Variants in ZNF226 observed in about 807,000 individuals in gnomAD.
ZNF226 encodes the protein Kruppel-associated box protein.
In ZNF226, 6 loss-of-function variants were observed where a neutral mutation model predicts 11.4. That is an observed-to-expected ratio of 0.53 (90% confidence interval 0.29 to 1.04). The LOEUF is 1.04. ZNF226 is among the 50% of genes least tolerant of loss of function. The pLI, the probability that ZNF226 is intolerant of heterozygous loss-of-function variation, is 0.08. For missense variants in ZNF226, 1,058 were observed against 956.5 expected, an observed-to-expected ratio of 1.11 and a Z score of -1.40; for synonymous variants, 350 against 322.8, an observed-to-expected ratio of 1.08 and a Z score of -0.90.
intron 5 of ZNF226, chr19:44,174,858 C>A: frequency 1.1e-6 from 1 of 871,346 alleles, no homozygotes; most frequent in Non-Finnish European, 1.7e-6. Flanking sequence ...GCTTTCCTTT[C>A]ACCCCAAGTG....
chr19:44,185,150 T>G, the ZNF226 span, among the ~76,000 whole-genome samples: 2 of 152,268 alleles, frequency 1.3e-5, no homozygotes, highest in African/African-American at 4.8e-5. Context: ...CAGCACATTT[T>G]CTTTATCCAT....
At chr19:44,180,066 G>A (rs1472347087), downstream of ZNF226, among the ~76,000 whole-genome samples, 1 of 121,590 alleles carries the variant, frequency 8.2e-6, no homozygotes, top group Non-Finnish European at 1.6e-5. Context: ...TAGCCTGGGT[G>A]ACAGAGCAAG....
the ZNF226 span, among the ~76,000 whole-genome samples, chr19:44,186,985 C>G: frequency 6.6e-6 from 1 of 151,378 alleles, no homozygotes; most frequent in African/African-American, 2.4e-5. Context: ...TGATCATGAC[C>G]TGTGATTCTT....
Position 44,176,111 on chromosome 19 carries a change from T to C in ZNF226, c.849T>C (p.Val283=), listed in dbSNP as rs1315949777. The change falls in exon 6 of 6, where the codon GTT becomes GTC. Residue 283 remains valine (V), a synonymous_variant. Transcript: ENST00000337433. ...LQSGEKSLTC[V]ERGKGFCYSP... is the part of the protein sequence containing the mutation. ...CAGGAGAGAAGTCTCTTACATGTGT[T>C]GAGCGTGGAAAAGGCTTCTGTTACA... 13 of 1,614,194 alleles carry C rather than the reference T, an allele frequency of 8.1e-6. No homozygotes were observed. The highest frequency in any genetic ancestry group is 1.1e-5 in the Non-Finnish European group (13 of 1,180,026).
chr19:44,190,045 A>G, the ZNF226 span, among the ~76,000 whole-genome samples: 1 of 152,238 alleles, frequency 6.6e-6, no homozygotes, highest in Non-Finnish European at 1.5e-5. Context: ...TCTACAGTAG[A>G]TAATAAAAAC....
Position 44,176,612 on chromosome 19 carries a change from G to A in ZNF226, c.1350G>A (p.Glu450=). ...CAGGAGAAAAACCCTATAAATGTGA[G>A]GAATGTGGTAAAGGCTTTAGTCGGC... The part of the protein sequence containing the change: ...VHTGEKPYKC[E]ECGKGFSRPS... The change falls in exon 6 of 6, where the codon GAG becomes GAA. Residue 450 remains glutamate, a synonymous_variant. Transcript: ENST00000337433. 7 of 1,613,986 alleles carry A rather than the reference G, an allele frequency of 4.3e-6. No individual in the cohort carries two copies. Among genetic ancestry groups the A allele is most frequent in the Non-Finnish European group, 5.9e-6 (7 of 1,179,966 alleles).
At chr19:44,172,798 A>T (rs1970254914) in intron 4 of ZNF226, 62 bp from the exon 5 acceptor site, 4 of 1,392,922 alleles carry the variant, frequency 2.9e-6, no homozygotes, top group Middle Eastern at 1.8e-4. Flanking sequence ...TGCAACTCAG[A>T]TTTCCAGTGT....
chr19:44,180,736 C>T (rs528472538), downstream of ZNF226, among the ~76,000 whole-genome samples: 37 of 152,216 alleles, frequency 2.4e-4, no homozygotes, highest in African/African-American at 7.2e-4. Flanking sequence ...TACAGAAAAA[C>T]GTGTACTAAG....
Position 44,176,273 on chromosome 19 carries a change from T to C in ZNF226, c.1011T>C (p.Cys337=), listed in dbSNP as rs374191280. The change falls in exon 6 of 6, where the codon TGT becomes TGC. Residue 337 remains cysteine (C), a synonymous_variant. Coordinates refer to ENST00000337433, the MANE Select transcript of ZNF226 (RefSeq NM_001032373.2). ...KVHVIEKPYK[C]KQCGKGFSRR... Reference sequence around the variant, plus strand: ...ACGTGATAGAGAAACCATACAAATGTAAGCAATGTGGGAAAGGTTTCAGTC... The same window carrying C: ...ACGTGATAGAGAAACCATACAAATGCAAGCAATGTGGGAAAGGTTTCAGTC... 4 of 1,614,014 alleles carry C rather than the reference T, an allele frequency of 2.5e-6. No individual in the cohort carries two copies. The highest frequency in any genetic ancestry group is 3.4e-6 in the Non-Finnish European group (4 of 1,180,018).
chr19:44,174,935 T>A, intron 5 of ZNF226: 1 of 1,581,818 alleles, frequency 6.3e-7, no homozygotes, highest in South Asian at 1.1e-5. Flanking sequence ...AGGTACAGCT[T>A]TTCAACTTTG....
downstream of ZNF226, among the ~76,000 whole-genome samples, chr19:44,182,815 A>T (rs1216594809): frequency 1.3e-5 from 2 of 152,194 alleles, no homozygotes; most frequent in East Asian, 3.9e-4. Flanking sequence ...CAAAGGGATT[A>T]TCAGAGATCT....
rs769558345 is a variant in ZNF226, at chr19:44,176,754, A to G, written c.1492A>G (p.Thr498Ala). 4.5e-5 allele frequency: 72 copies of G among 1,614,084 alleles called. No homozygotes were observed. The highest frequency in any genetic ancestry group is 5.8e-5 in the Non-Finnish European group (69 of 1,180,036). ...SNLQAHQRVH[T>A]GEKPYKCNEC... is the part of the protein sequence containing the mutation. ...TCTTCAAGCCCATCAGAGAGTCCAC[A>G]CTGGAGAGAAGCCATACAAATGCAA... is the stretch of plus-strand genomic sequence containing the variant. Residue 498 changes from threonine to alanine, a missense_variant, in exon 6 of 6, where the codon ACT (threonine) becomes GCT (alanine). Thr to Ala is a moderately conservative substitution (Grantham distance 58). Coordinates refer to ENST00000337433, the MANE Select transcript of ZNF226 (RefSeq NM_001032373.2).
intron 5 of ZNF226, chr19:44,175,145 G>C (rs190670449): frequency 6.6e-7 from 1 of 1,519,410 alleles, no homozygotes; most frequent in East Asian, 2.3e-5. Flanking sequence ...CTGCCGGGCA[G>C]TAACTTCTGG....
downstream of ZNF226, among the ~76,000 whole-genome samples, chr19:44,179,409 T>G (rs192974535): frequency 3.8e-4 from 58 of 152,292 alleles, no homozygotes; most frequent in Admixed American, 3.3e-3. Context: ...AATATATTAA[T>G]CCCTTACAGT....
chr19:44,185,555 CAT>C, the ZNF226 span, among the ~76,000 whole-genome samples: 24 of 152,196 alleles, frequency 1.6e-4, no homozygotes, highest in South Asian at 1.2e-3. Flanking sequence ...CTTCTCTGGA[CAT>C]GTGTGTTTAA....
chr19:44,192,401 A>G, the ZNF226 span, among the ~76,000 whole-genome samples: 1 of 152,166 alleles, frequency 6.6e-6, no homozygotes, highest in Admixed American at 6.5e-5. Context: ...CCCTAAGGAG[A>G]CAAGGAAGAG....
At chr19:44,170,825 A>G (rs1202454878) in intron 3 of ZNF226, among the ~76,000 whole-genome samples, 1 of 152,134 alleles carries the variant, frequency 6.6e-6, no homozygotes, top group Non-Finnish European at 1.5e-5. Context: ...AGGCAAGAGA[A>G]TCACTTAAAT....
downstream of ZNF226, among the ~76,000 whole-genome samples, chr19:44,178,578 A>G (rs1413994379): frequency 6.6e-6 from 1 of 152,220 alleles, no homozygotes; most frequent in Non-Finnish European, 1.5e-5. Flanking sequence ...ATTAGTTAAA[A>G]TTTGATAAAT....
chr19:44,167,713 G>A (rs565762417), intron 2 of ZNF226: 4 of 152,268 alleles, frequency 2.6e-5, no homozygotes, highest in South Asian at 4.1e-4. Flanking sequence ...AGATTCACCA[G>A]TTGTTACGTT....
Sources: gnomAD v4.1 joint callset for allele counts (sites outside exome capture counted in the v4.1 genomes callset) on GRCh38, gnomAD v4.1.1 for gene constraint, MANE v1.5 for transcripts, NCBI Gene and HGNC (gene_info 2026-07-23, HGNC 2026-07-21) for gene names.